SPTBN1: variants seen among roughly 807,000 people sequenced by gnomAD.
SPTBN1 encodes spectrin beta, non-erythrocytic 1.
SPTBN1 carries 32 observed loss-of-function variants against 266.4 expected under a neutral mutation model. That is an observed-to-expected ratio of 0.12 (90% CI 0.09 to 0.16). The LOEUF (loss-of-function observed/expected upper bound fraction) is 0.16, where lower values mean the gene tolerates loss of function less well. SPTBN1 is among the 10% of genes least tolerant of loss of function. The pLI is 1.00. For missense variants in SPTBN1, 2,296 were observed against 3,067.1 expected, an observed-to-expected ratio of 0.75 and a Z score of 5.94; for synonymous variants, 1,336 against 1,162.2, an observed-to-expected ratio of 1.15 and a Z score of -3.04.
At chr2:54,572,218 CCTTT>C (rs1407631467) in intron 2 of SPTBN1, among the ~76,000 whole-genome samples, 1 of 152,120 alleles carries the variant, frequency 6.6e-6, no homozygotes, top group Non-Finnish European at 1.5e-5. Flanking sequence ...CTTTTTCCCC[CCTTT>C]CTTTTGAATG....
At chr2:54,573,076 C>T (rs1208298786) in intron 2 of SPTBN1, among the ~76,000 whole-genome samples, 1 of 152,172 alleles carries the variant, frequency 6.6e-6, no homozygotes, top group Non-Finnish European at 1.5e-5. Flanking sequence ...ACCTTTCTTA[C>T]CTCAGTTTCC....
intron 2 of SPTBN1, among the ~76,000 whole-genome samples, chr2:54,591,849 T>G (rs1031883191): frequency 1.3e-5 from 2 of 152,218 alleles, no homozygotes; most frequent in African/African-American, 4.8e-5. Flanking sequence ...CAGTGTTCAT[T>G]TTTTCAGTTA....
intron 2 of SPTBN1, among the ~76,000 whole-genome samples, chr2:54,572,213 T>C (rs1270546015): frequency 1.3e-5 from 2 of 152,102 alleles, no homozygotes; most frequent in Non-Finnish European, 2.9e-5. Flanking sequence ...ATTGTCTTTT[T>C]CCCCCCTTTC....
chr2:54,535,878 G>A (rs574306411), intron 2 of SPTBN1, among the ~76,000 whole-genome samples: 1 of 152,320 alleles, frequency 6.6e-6, no homozygotes, highest in Non-Finnish European at 1.5e-5. Flanking sequence ...GGATGTGGTG[G>A]TGCACACCTG....
chr2:54,507,213 C>T (rs537750809), intron 1 of SPTBN1, among the ~76,000 whole-genome samples: 1 of 152,280 alleles, frequency 6.6e-6, no homozygotes, highest in African/African-American at 2.4e-5. Flanking sequence ...TTTTGTGTAT[C>T]TTCAGTTGCT....
At chr2:54,573,170 C>G (rs542743922) in intron 2 of SPTBN1, among the ~76,000 whole-genome samples, 71 of 152,278 alleles carry the variant, frequency 4.7e-4, no homozygotes, top group African/African-American at 1.7e-3. Flanking sequence ...CTGTTCTGCT[C>G]CATGTTTCTG....
chr2:54,624,594 A>C (rs191202916), intron 10 of SPTBN1, among the ~76,000 whole-genome samples: 1 of 152,202 alleles, frequency 6.6e-6, no homozygotes, highest in African/African-American at 2.4e-5. Context: ...TTAGATTTAG[A>C]TGACGGAAGA....
chr2:54,474,750 T>C (rs954259160), intron 1 of SPTBN1, among the ~76,000 whole-genome samples: 9 of 152,158 alleles, frequency 5.9e-5, no homozygotes, highest in Non-Finnish European at 8.8e-5. Flanking sequence ...TTAAGGTTTT[T>C]GGGGGAGGGG....
intron 1 of SPTBN1, among the ~76,000 whole-genome samples, chr2:54,469,684 T>G (rs1376425705): frequency 1.3e-5 from 2 of 152,166 alleles, no homozygotes; most frequent in Non-Finnish European, 2.9e-5. Context: ...CGGCCTAGGT[T>G]AGAGGAGGGT....
intron 2 of SPTBN1, among the ~76,000 whole-genome samples, chr2:54,537,322 T>G (rs1671673131): frequency 6.6e-6 from 1 of 152,220 alleles, no homozygotes; most frequent in Non-Finnish European, 1.5e-5. Context: ...TTCAAATGTC[T>G]GTAAGGTTGG....
Position 54,567,336 on chromosome 2 carries a change from T to TTTAA in SPTBN1, c.149-31753_149-31752insATTA, listed in dbSNP as rs1329046656. 2.0e-5 allele frequency among the ~76,000 whole-genome samples: 3 copies of TTTAA among 151,690 alleles called. No individual in the cohort carries two copies. In the East Asian group the frequency reaches 5.8e-4, roughly 29 times the overall value. On this transcript the variant is annotated intron_variant, in intron 2 of 35. Coordinates refer to ENST00000356805, the MANE Select transcript of SPTBN1 (RefSeq NM_003128.3). ...TGGGAAGGTACTGGAGGATTTTTAT[T>TTTAA]TTATTTATTTATTTATTTATTTTTG...
chr2:54,462,055 T>C (rs1693394693), intron 1 of SPTBN1, among the ~76,000 whole-genome samples: 1 of 152,254 alleles, frequency 6.6e-6, no homozygotes, highest in Non-Finnish European at 1.5e-5. Flanking sequence ...ACTAGCCTTA[T>C]GGCTACCACT....
intron 2 of SPTBN1, among the ~76,000 whole-genome samples, chr2:54,531,524 A>C (rs1448810354): frequency 6.6e-6 from 1 of 152,064 alleles, no homozygotes; most frequent in Admixed American, 6.5e-5. Context: ...CCTGATCTCC[A>C]GTGATCCTCC....
chr2:54,591,571 G>A (rs1194325127), intron 2 of SPTBN1, among the ~76,000 whole-genome samples: 4 of 152,206 alleles, frequency 2.6e-5, no homozygotes. Context: ...TCAGTCTTTA[G>A]GGGAACAATG....
At chr2:54,522,847 G>A (rs1041628302) in intron 1 of SPTBN1, among the ~76,000 whole-genome samples, 5 of 152,052 alleles carry the variant, frequency 3.3e-5, no homozygotes, top group Admixed American at 1.3e-4. Flanking sequence ...ATGTTGCAGC[G>A]CAGGTATAGC....
chr2:54,495,977 A>G (rs1179993930), intron 1 of SPTBN1, among the ~76,000 whole-genome samples: 3 of 152,158 alleles, frequency 2.0e-5, no homozygotes, highest in Non-Finnish European at 2.9e-5. Flanking sequence ...TAACTAAATG[A>G]AGGGAGGATG....
intron 3 of SPTBN1, among the ~76,000 whole-genome samples, chr2:54,607,252 T>G (rs970296873): frequency 1.3e-5 from 2 of 152,232 alleles, no homozygotes; most frequent in African/African-American, 4.8e-5. Flanking sequence ...AGTGATACAA[T>G]TTTTTAAAAA....
At chr2:54,582,808 G>T (rs952554754) in intron 2 of SPTBN1, among the ~76,000 whole-genome samples, 1 of 152,144 alleles carries the variant, frequency 6.6e-6, no homozygotes, top group South Asian at 2.1e-4. Flanking sequence ...AGTGGTGGGG[G>T]CTATCAAGTC....
intron 1 of SPTBN1, among the ~76,000 whole-genome samples, chr2:54,482,157 A>C (rs1558764692): frequency 1.3e-5 from 2 of 152,086 alleles, no homozygotes; most frequent in South Asian, 4.1e-4. Flanking sequence ...AGACATTTTC[A>C]CATTTTGGAG....
Sources: allele counts gnomAD v4.1 joint callset (sites outside exome capture counted in the v4.1 genomes callset), GRCh38; gene constraint gnomAD v4.1.1; transcripts MANE v1.5; gene names NCBI Gene and HGNC (gene_info 2026-07-23, HGNC 2026-07-21).